Variants in GABRA2 observed in about 807,000 individuals in gnomAD.
The protein encoded by GABRA2 is gamma-aminobutyric acid type A receptor subunit alpha2.
A neutral mutation model predicts 48.7 loss-of-function variants in GABRA2; 16 were observed. The ratio of observed to expected loss-of-function variants is 0.33; its 90% CI spans 0.22 to 0.50. GABRA2 has a LOEUF of 0.50. Ranked by LOEUF, GABRA2 falls within the 20% of genes least tolerant of loss-of-function variation. The pLI, the probability that GABRA2 is intolerant of heterozygous loss-of-function variation, is 0.98. For synonymous variants in GABRA2, 185 were observed against 184.5 expected (o/e 1.00, Z -0.02); for missense variants, 275 against 535.6 (o/e 0.51, Z 4.80).
chr4:46,358,263 T>C (rs1736324092), intron 3 of GABRA2, among the ~76,000 whole-genome samples: 1 of 152,178 alleles, frequency 6.6e-6, no homozygotes, highest in African/African-American at 2.4e-5. Flanking sequence ...ATTCTTTACA[T>C]AAAAATATTT....
intron 3 of GABRA2, among the ~76,000 whole-genome samples, chr4:46,348,891 A>G (rs930213466): frequency 1.3e-5 from 2 of 151,484 alleles, no homozygotes; most frequent in African/African-American, 4.9e-5. Flanking sequence ...AAACCTGCAC[A>G]TTGTGCACAT....
intron 3 of GABRA2, among the ~76,000 whole-genome samples, chr4:46,385,372 C>A (rs1010813130): frequency 6.6e-6 from 1 of 151,298 alleles, no homozygotes; most frequent in Non-Finnish European, 1.5e-5. Context: ...ATTAGCCAAG[C>A]CAAATTTTCT....
chr4:46,263,263 T>C (rs190357425), intron 8 of GABRA2, among the ~76,000 whole-genome samples: 36 of 152,234 alleles, frequency 2.4e-4, no homozygotes, highest in African/African-American at 8.7e-4. Flanking sequence ...TTGAGGAAGA[T>C]ATGGGGCATT....
chr4:46,385,735 C>T (rs1331285814), intron 3 of GABRA2, among the ~76,000 whole-genome samples: 1 of 151,864 alleles, frequency 6.6e-6, no homozygotes, highest in Non-Finnish European at 1.5e-5. Flanking sequence ...AGTAAATATA[C>T]TTTCTTTACA....
At chr4:46,356,652 C>A (rs1011362342) in intron 3 of GABRA2, among the ~76,000 whole-genome samples, 1 of 152,158 alleles carries the variant, frequency 6.6e-6, no homozygotes, top group African/African-American at 2.4e-5. Context: ...AGGAACTAAT[C>A]TAATGGCCTC....
Position 46,250,089 on chromosome 4 carries a change from A to G in GABRA2, c.*219T>C, listed in dbSNP as rs1714436305. 2.1e-6 allele frequency: 1 copy of G among 473,802 alleles called. No individual in the cohort carries two copies. Among genetic ancestry groups the G allele is most frequent in the Non-Finnish European group, 3.8e-6 (1 of 266,380 alleles). 29.3% of individuals were successfully genotyped at this position (473,802 alleles called of 1,614,324 possible). A position where few individuals can be genotyped will look rare whatever the true frequency, so the allele number is the denominator to read the frequency against. ...AAATCAGGTCCTAGGGTAAATCTTT[A>G]AAAAAGGCAATGGCTGTTTTCGCAT... On this transcript the variant is annotated 3_prime_UTR_variant, in exon 10 of 10. Coordinates refer to ENST00000381620, the MANE Select transcript of GABRA2 (RefSeq NM_000807.4).
chr4:46,244,752 C>T lies in GABRA2; in HGVS notation c.*5556G>A, dbSNP rs78687751. Among the ~76,000 whole-genome samples, 2,884 of 151,468 alleles carry T rather than the reference C, an allele frequency of 0.019. 97 individuals are homozygous for T. Among genetic ancestry groups the T allele is most frequent in the African/African-American group, 0.066 (2,755 of 41,468 alleles). On this transcript the variant is annotated 3_prime_UTR_variant, in exon 10 of 10. Coordinates refer to ENST00000381620, the MANE Select transcript of GABRA2 (RefSeq NM_000807.4). ...TAATCAACATTAATCATTTTTAATA[C>T]GTGATCATTACTTGTGAACCAAAAA...
At chr4:46,307,404 C>A (rs535863891) in intron 6 of GABRA2, among the ~76,000 whole-genome samples, 1 of 151,250 alleles carries the variant, frequency 6.6e-6, no homozygotes, top group Non-Finnish European at 1.5e-5. Context: ...GTTGGAAGGG[C>A]CTCACAATAC....
At chr4:46,337,997 A>G (rs1732550385) in intron 3 of GABRA2, among the ~76,000 whole-genome samples, 1 of 152,000 alleles carries the variant, frequency 6.6e-6, no homozygotes. Flanking sequence ...AACATTTGGC[A>G]ACAGCAAAAT....
chr4:46,366,916 A>G (rs957399911), intron 3 of GABRA2: 2 of 152,044 alleles, frequency 1.3e-5, no homozygotes, highest in African/African-American at 4.8e-5. Flanking sequence ...TATCATGTGC[A>G]TCTAGTGGCT....
intron 1 of GABRA2, chr4:46,389,097 G>A: frequency 9.9e-7 from 1 of 1,009,206 alleles, no homozygotes; most frequent in Non-Finnish European, 1.2e-6. Flanking sequence ...GAATGGGTTG[G>A]AGGGGAGGGG....
chr4:46,390,127 C>T lies in GABRA2; in HGVS notation c.-403G>A. The T allele has an allele frequency of 1.0e-6, 1 of 955,850 alleles. No individual in the cohort carries two copies. The highest frequency in any genetic ancestry group is 1.2e-6 in the Non-Finnish European group (1 of 804,064). The allele number at this position is 955,850 out of a possible 1,614,324, so 59.2% of individuals were successfully genotyped here. Reference sequence around the variant, plus strand: ...GCGGTGGCGGGCACGAGCCCCGCGCCTGGAGGAGGAGGAGTCAGGCCGGGT... The same window carrying T: ...GCGGTGGCGGGCACGAGCCCCGCGCTTGGAGGAGGAGGAGTCAGGCCGGGT... On this transcript the variant is annotated 5_prime_UTR_variant, in exon 1 of 10. Coordinates refer to ENST00000381620, the MANE Select transcript of GABRA2 (RefSeq NM_000807.4).
intron 3 of GABRA2, chr4:46,368,403 C>T (rs1249727669): frequency 6.6e-6 from 1 of 152,018 alleles, no homozygotes; most frequent in Non-Finnish European, 1.5e-5. Flanking sequence ...TAAAAGAGTT[C>T]AAATAAAGTA....
chr4:46,315,774 A>G (rs1728439701), intron 4 of GABRA2, among the ~76,000 whole-genome samples: 1 of 151,896 alleles, frequency 6.6e-6, no homozygotes, highest in African/African-American at 2.4e-5. Context: ...AATATTACAA[A>G]CACCTTGTAA....
intron 3 of GABRA2, among the ~76,000 whole-genome samples, chr4:46,333,119 T>C (rs1210731013): frequency 6.6e-6 from 1 of 152,120 alleles, no homozygotes; most frequent in African/African-American, 2.4e-5. Context: ...AGATTGTAAA[T>C]CAGTATATCT....
chr4:46,377,942 G>T (rs1327370769), intron 3 of GABRA2, among the ~76,000 whole-genome samples: 3 of 151,334 alleles, frequency 2.0e-5, no homozygotes, highest in African/African-American at 7.3e-5. Flanking sequence ...TGGGAAGTGA[G>T]GAGCCCCTCT....
At chr4:46,320,905 A>T (rs1282232677) in intron 4 of GABRA2, among the ~76,000 whole-genome samples, 1 of 151,932 alleles carries the variant, frequency 6.6e-6, no homozygotes, top group Non-Finnish European at 1.5e-5. Flanking sequence ...TGAAATCATG[A>T]CCTTTAAAGA....
At position 46,246,454 on chromosome 4, in the gene GABRA2, G is replaced by T. The variant is rs755013105; in HGVS notation, c.*3854C>A. On this transcript the variant is annotated 3_prime_UTR_variant, in exon 10 of 10. Coordinates refer to ENST00000381620, the MANE Select transcript of GABRA2 (RefSeq NM_000807.4). The stretch of plus-strand genomic sequence containing the variant: ...GTCCATGTTTCTCAAGCATGCAGAT[G>T]TCAAAAATAACTGCACCCCTCCCCA... Among the ~76,000 whole-genome samples the T allele has an allele frequency of 6.6e-6, 1 of 150,992 alleles. No individual in the cohort carries two copies. The highest frequency in any genetic ancestry group is 2.4e-5 in the African/African-American group (1 of 41,278).
chr4:46,339,615 G>T (rs575692953), intron 3 of GABRA2, among the ~76,000 whole-genome samples: 7 of 151,954 alleles, frequency 4.6e-5, no homozygotes, highest in African/African-American at 1.7e-4. Flanking sequence ...TTGCAGACAT[G>T]ATATATGCTA....
Sources: gnomAD v4.1 joint callset for allele counts (sites outside exome capture counted in the v4.1 genomes callset) on GRCh38, gnomAD v4.1.1 for gene constraint, MANE v1.5 for transcripts, NCBI Gene and HGNC (gene_info 2026-07-23, HGNC 2026-07-21) for gene names.